The following GRK4 variants were observed in gnomAD, a reference collection of about 807,000 sequenced individuals.
GRK4 encodes G protein-coupled receptor kinase 2-like.
In GRK4, 73 loss-of-function variants were observed where a neutral mutation model predicts 77.9. The observed-to-expected ratio is 0.94, with a 90% confidence interval of 0.78 to 1.14. GRK4 has a LOEUF of 1.14. Among genes scored for constraint, GRK4 ranks in the 50% most tolerant of loss-of-function variants. The probability of loss-of-function intolerance (pLI) is 0.00; values close to 1 mark genes in which losing one functional copy is unlikely to be tolerated. For missense variants in GRK4, 729 were observed against 700.2 expected, an observed-to-expected ratio of 1.04 and a Z score of -0.46; for synonymous variants, 257 against 254.4, an observed-to-expected ratio of 1.01 and a Z score of -0.10.
chr4:2,989,103 A>T (rs112355624), intron 3 of GRK4, among the ~76,000 whole-genome samples: 42 of 151,748 alleles, frequency 2.8e-4, no homozygotes, highest in Admixed American at 1.3e-3. Context: ...AATCACTTGA[A>T]CCAGGAGGCG....
In GRK4 at chr4:2,963,593, G is replaced by A. The variant is rs916506579; in HGVS notation, c.-478G>A. The A allele has an allele frequency of 4.5e-6, 2 of 447,400 alleles. No homozygotes were observed. Among genetic ancestry groups the A allele is most frequent in the Non-Finnish European group, 7.8e-6 (2 of 256,030 alleles). 27.7% of individuals were successfully genotyped at this position (447,400 alleles called of 1,614,324 possible). ...GCTGTAGTGCCCCGGCCGCGGCGGC[G>A]AGGGGCGCTCCCTCTTCAGCTAAGC... On this transcript the variant is annotated 5_prime_UTR_variant, in exon 1 of 16. Coordinates refer to ENST00000398052, the MANE Select transcript of GRK4 (RefSeq NM_182982.3).
At chr4:2,980,026 G>C (rs1722414464) in intron 1 of GRK4, among the ~76,000 whole-genome samples, 2 of 152,206 alleles carry the variant, frequency 1.3e-5, no homozygotes, top group South Asian at 4.1e-4. Flanking sequence ...TCTTATCTCA[G>C]ACATGTAAGC....
At chr4:3,014,296 C>CTTTTTTT (rs60684225) in intron 8 of GRK4, among the ~76,000 whole-genome samples, 86 of 118,964 alleles carry the variant, frequency 7.2e-4, no homozygotes, top group African/African-American at 2.5e-3. Flanking sequence ...CTCTCTCTCT[C>CTTTTTTT]TTTTTTTTTT....
intron 13 of GRK4, among the ~76,000 whole-genome samples, 179 bp downstream of exon 13, chr4:3,035,702 C>G (rs902562455): frequency 6.6e-6 from 1 of 151,928 alleles, no homozygotes; most frequent in African/African-American, 2.4e-5. Context: ...GGATTATAGG[C>G]GTGAGCCACT....
intron 2 of GRK4, 90 bp downstream of exon 2, chr4:2,984,698 T>C: frequency 1.7e-6 from 1 of 572,748 alleles, no homozygotes. Flanking sequence ...TCCATGTTTG[T>C]TTCAAACATT....
chr4:2,998,163 C>A (rs150345534), intron 4 of GRK4, among the ~76,000 whole-genome samples: 2 of 152,108 alleles, frequency 1.3e-5, no homozygotes, highest in Admixed American at 1.3e-4. Context: ...TTGAGACCAG[C>A]CTGGGCAACA....
intron 4 of GRK4, among the ~76,000 whole-genome samples, chr4:3,001,159 G>A (rs1729544237): frequency 7.8e-6 from 1 of 127,434 alleles, no homozygotes; most frequent in African/African-American, 3.2e-5. Flanking sequence ...ATGTGTATGT[G>A]TATATATATG....
intron 4 of GRK4, among the ~76,000 whole-genome samples, chr4:2,999,547 A>G (rs1728930795): frequency 1.3e-5 from 2 of 152,224 alleles, no homozygotes; most frequent in Admixed American, 1.3e-4. Flanking sequence ...TAGTCTTTTC[A>G]ATAGATGGTA....
chr4:3,003,945 C>T (rs111692160), intron 4 of GRK4, among the ~76,000 whole-genome samples: 2,474 of 152,248 alleles, frequency 0.016, 61 homozygotes, highest in African/African-American at 0.057. Context: ...TCTCAAACTC[C>T]TGACTTCAGG....
In GRK4 at chr4:2,966,686, G is replaced by A. The variant is rs543028245; in HGVS notation, c.52+2564G>A. ...TTAAAGTATCTCCCAGGAAGTACCA[G>A]GAGGTGTCTTCTTGGACACATAACT... On this transcript the variant is annotated intron_variant, in intron 1 of 15. Transcript: ENST00000398052. The A allele has an allele frequency of 2.0e-5, 3 of 152,326 alleles. No individual in the cohort carries two copies. The East Asian group carries it at 5.8e-4, about 29-fold the overall frequency. The allele number at this position is 152,326 out of a possible 1,614,324, so 9.4% of individuals were successfully genotyped here.
intron 1 of GRK4, among the ~76,000 whole-genome samples, chr4:2,983,234 C>T (rs1013234805): frequency 3.9e-5 from 6 of 152,242 alleles, no homozygotes; most frequent in African/African-American, 1.4e-4. Flanking sequence ...ATTTTCCACA[C>T]TCACCGTATT....
chr4:2,995,189 G>A (rs985702203), intron 4 of GRK4, among the ~76,000 whole-genome samples: 17 of 152,074 alleles, frequency 1.1e-4, no homozygotes, highest in African/African-American at 3.6e-4. Flanking sequence ...ATCATTGATG[G>A]GCATTTAGGT....
chr4:3,035,061 C>T (rs1001655985), intron 12 of GRK4, among the ~76,000 whole-genome samples: 2 of 151,646 alleles, frequency 1.3e-5, no homozygotes, highest in South Asian at 2.1e-4. Flanking sequence ...ATGGAGACCA[C>T]GGTGAAACCC....
intron 12 of GRK4, among the ~76,000 whole-genome samples, chr4:3,030,965 G>A (rs568033626): frequency 6.6e-6 from 1 of 152,334 alleles, no homozygotes; most frequent in African/African-American, 2.4e-5. Flanking sequence ...AGCGATTCAG[G>A]TGAGAGTAAA....
At chr4:2,991,204 A>C (rs1211178305) in intron 3 of GRK4, among the ~76,000 whole-genome samples, 3 of 152,194 alleles carry the variant, frequency 2.0e-5, no homozygotes, top group African/African-American at 7.2e-5. Flanking sequence ...TAATGGGCTG[A>C]AGCTGCCGTC....
intron 12 of GRK4, among the ~76,000 whole-genome samples, chr4:3,033,919 G>T (rs887092437): frequency 6.6e-6 from 1 of 152,202 alleles, no homozygotes; most frequent in African/African-American, 2.4e-5. Flanking sequence ...AGCATGCAAA[G>T]AATAAACGCA....
chr4:3,033,809 T>C (rs1476296556), intron 12 of GRK4, among the ~76,000 whole-genome samples: 1 of 152,092 alleles, frequency 6.6e-6, no homozygotes, highest in Non-Finnish European at 1.5e-5. Flanking sequence ...ATGGTCTTGA[T>C]CTCCTGACCT....
intron 1 of GRK4, among the ~76,000 whole-genome samples, chr4:2,978,102 A>C (rs949852418): frequency 1.3e-5 from 2 of 152,242 alleles, no homozygotes; most frequent in African/African-American, 2.4e-5. Flanking sequence ...AATTGAGAAT[A>C]AACTAGGTTT....
chr4:3,024,503 C>T (rs75194026), intron 10 of GRK4, among the ~76,000 whole-genome samples: 1 of 152,182 alleles, frequency 6.6e-6, no homozygotes, highest in Non-Finnish European at 1.5e-5. Flanking sequence ...TGTAGCGATC[C>T]GCCTTGCCTC....
Sources: allele counts gnomAD v4.1 joint callset (sites outside exome capture counted in the v4.1 genomes callset), GRCh38; gene constraint gnomAD v4.1.1; transcripts MANE v1.5; gene names NCBI Gene and HGNC (gene_info 2026-07-23, HGNC 2026-07-21).